The following CCSER1 variants were observed in gnomAD, a reference collection of about 807,000 sequenced individuals.
The protein encoded by CCSER1 is coiled-coil serine rich protein 1.
A neutral mutation model predicts 82.0 loss-of-function variants in CCSER1; 41 were observed. That is an observed-to-expected ratio of 0.50 (90% CI 0.39 to 0.65). The LOEUF (loss-of-function observed/expected upper bound fraction) is 0.65, where lower values mean the gene tolerates loss of function less well. Ranked by LOEUF, CCSER1 falls within the 30% of genes least tolerant of loss-of-function variation. CCSER1 has a pLI of 0.00. For missense variants in CCSER1, 1,119 were observed against 1,064.2 expected (o/e 1.05, Z -0.72); for synonymous variants, 414 against 383.9 (o/e 1.08, Z -0.92).
At chr4:90,694,186 A>G (rs777459000) in intron 6 of CCSER1, among the ~76,000 whole-genome samples, 8 of 151,974 alleles carry the variant, frequency 5.3e-5, no homozygotes, top group Non-Finnish European at 8.8e-5. Flanking sequence ...ATTTTGTTGT[A>G]TCATCCTTAT....
At chr4:91,278,103 G>A (rs1445398185) in intron 10 of CCSER1, among the ~76,000 whole-genome samples, 1 of 151,918 alleles carries the variant, frequency 6.6e-6, no homozygotes, top group Admixed American at 6.6e-5. Flanking sequence ...CCTAACATAT[G>A]GCCTGGAGAA....
At chr4:90,548,644 T>C (rs556660634) in intron 5 of CCSER1, among the ~76,000 whole-genome samples, 239 of 151,974 alleles carry the variant, frequency 1.6e-3, no homozygotes, top group Admixed American at 2.7e-3. Context: ...GAAACTCCTA[T>C]TGGTATTTGT....
chr4:90,463,654 C>A (rs1214670080), intron 4 of CCSER1, among the ~76,000 whole-genome samples: 1 of 151,980 alleles, frequency 6.6e-6, no homozygotes, highest in East Asian at 1.9e-4. Flanking sequence ...AAGTCAAAAG[C>A]AAATTCTTTT....
intron 8 of CCSER1, among the ~76,000 whole-genome samples, chr4:90,903,627 A>G (rs1345995821): frequency 6.6e-6 from 1 of 152,118 alleles, no homozygotes; most frequent in Non-Finnish European, 1.5e-5. Flanking sequence ...CAGGCACCAC[A>G]ATATGATTAG....
chr4:90,621,735 A>G (rs1722358243), intron 5 of CCSER1, among the ~76,000 whole-genome samples: 1 of 152,168 alleles, frequency 6.6e-6, no homozygotes, highest in South Asian at 2.1e-4. Context: ...CTTCCTTTAG[A>G]GAAAGTATAG....
intron 10 of CCSER1, among the ~76,000 whole-genome samples, chr4:91,234,615 T>C (rs1738863290): frequency 6.6e-6 from 1 of 152,116 alleles, no homozygotes; most frequent in Non-Finnish European, 1.5e-5. Context: ...TAGGTATAAC[T>C]TGCACTTTTT....
At chr4:91,036,178 A>G (rs1170665495) in intron 9 of CCSER1, among the ~76,000 whole-genome samples, 1 of 152,216 alleles carries the variant, frequency 6.6e-6, no homozygotes, top group African/African-American at 2.4e-5. Flanking sequence ...TCAAGAAACA[A>G]AAGATCCAAC....
intron 3 of CCSER1, among the ~76,000 whole-genome samples, chr4:90,353,721 C>CA (rs1743911434): frequency 6.6e-6 from 1 of 152,168 alleles, no homozygotes; most frequent in African/African-American, 2.4e-5. Flanking sequence ...AAACACAAGA[C>CA]AATATCCACT....
At chr4:90,835,566 T>C (rs1279639634) in intron 8 of CCSER1, among the ~76,000 whole-genome samples, 1 of 152,158 alleles carries the variant, frequency 6.6e-6, no homozygotes, top group African/African-American at 2.4e-5. Flanking sequence ...CTGTGTGCTG[T>C]TCATACATGG....
intron 1 of CCSER1, among the ~76,000 whole-genome samples, chr4:90,232,221 T>C (rs1275798525): frequency 6.6e-6 from 1 of 151,876 alleles, no homozygotes; most frequent in Non-Finnish European, 1.5e-5. Flanking sequence ...GACTTCAAAC[T>C]ATACTACAAG....
intron 8 of CCSER1, among the ~76,000 whole-genome samples, chr4:90,886,240 A>C (rs2150093176): frequency 6.6e-6 from 1 of 152,248 alleles, no homozygotes; most frequent in African/African-American, 2.4e-5. Context: ...GGTACCTCCC[A>C]ATTTGCAGAG....
intron 8 of CCSER1, among the ~76,000 whole-genome samples, chr4:90,903,225 G>A (rs947415081): frequency 1.1e-4 from 16 of 152,108 alleles, no homozygotes; most frequent in African/African-American, 3.9e-4. Context: ...GAGGGACCCA[G>A]GAGGAGGTCA....
chr4:90,404,477 A>C (rs1753411547), intron 4 of CCSER1, among the ~76,000 whole-genome samples: 1 of 152,146 alleles, frequency 6.6e-6, no homozygotes, highest in Non-Finnish European at 1.5e-5. Context: ...AAGTGTCCCT[A>C]GGGCAAGTTT....
chr4:90,992,766 G>T (rs1367206164), intron 9 of CCSER1, among the ~76,000 whole-genome samples: 1 of 151,782 alleles, frequency 6.6e-6, no homozygotes, highest in Admixed American at 6.6e-5. Flanking sequence ...TACTACATAG[G>T]GTTCCCTAGT....
Position 91,572,738 on chromosome 4 carries a change from G to A in CCSER1, c.2218-25834G>A, listed in dbSNP as rs568075562. 4.6e-5 allele frequency among the ~76,000 whole-genome samples: 7 copies of A among 151,642 alleles called. No homozygotes were observed. The South Asian group carries it at 1.5e-3, about 32-fold the overall frequency. ...GCATCTTGGGAGGCCAAGGTGGGTGGATAGCTTGAGCTCAGGAGTTCAAGA... is the reference window on the plus strand; with the variant it reads ...GCATCTTGGGAGGCCAAGGTGGGTGAATAGCTTGAGCTCAGGAGTTCAAGA... On this transcript the variant is annotated intron_variant, in intron 10 of 10. Transcript: ENST00000509176.
chr4:91,025,237 G>C (rs1239916456), intron 9 of CCSER1, among the ~76,000 whole-genome samples: 3 of 152,092 alleles, frequency 2.0e-5, no homozygotes, highest in Non-Finnish European at 4.4e-5. Flanking sequence ...AAAATGGAAA[G>C]ATAGGATAAT....
intron 10 of CCSER1, among the ~76,000 whole-genome samples, chr4:91,285,089 T>C (rs1743182549): frequency 6.6e-6 from 1 of 151,978 alleles, no homozygotes; most frequent in Admixed American, 6.6e-5. Flanking sequence ...TTAAATAATC[T>C]CTCAAACATC....
At chr4:91,248,829 G>A (rs1388094773) in intron 10 of CCSER1, among the ~76,000 whole-genome samples, 1 of 152,066 alleles carries the variant, frequency 6.6e-6, no homozygotes, top group Non-Finnish European at 1.5e-5. Flanking sequence ...AGATATTATT[G>A]TGGATACTGG....
intron 9 of CCSER1, among the ~76,000 whole-genome samples, chr4:91,028,445 A>G (rs1307187375): frequency 1.3e-5 from 2 of 151,976 alleles, no homozygotes. Context: ...TACTGGTGCA[A>G]AATAACTCAA....
Sources: allele counts gnomAD v4.1 joint callset (sites outside exome capture counted in the v4.1 genomes callset), GRCh38; gene constraint gnomAD v4.1.1; transcripts MANE v1.5; gene names NCBI Gene and HGNC (gene_info 2026-07-23, HGNC 2026-07-21).